The following PSMA8 variants were observed in gnomAD, a reference collection of about 807,000 sequenced individuals.
PSMA8 encodes proteasome 20S subunit alpha 8, also known as proteasome subunit alpha-type 8.
Under a neutral mutation model 32.4 loss-of-function variants are expected in PSMA8, and 18 were observed. The ratio of observed to expected loss-of-function variants is 0.56; its 90% CI spans 0.38 to 0.82. The LOEUF (loss-of-function observed/expected upper bound fraction) is 0.82. PSMA8 is among the 40% of genes least tolerant of loss of function. The pLI is 0.00. For missense variants in PSMA8, 298 were observed against 300.7 expected (o/e 0.99, Z 0.07); for synonymous variants, 104 against 98.1 (o/e 1.06, Z -0.36).
chr18:26,181,407 A>C (rs2055310125), intron 6 of PSMA8, among the ~76,000 whole-genome samples: 1 of 152,128 alleles, frequency 6.6e-6, no homozygotes, highest in Non-Finnish European at 1.5e-5. Context: ...CAGGCCTCCT[A>C]TTGCCTGAGG....
chr18:26,192,563 C>T lies in PSMA8; in HGVS notation c.*152C>T. The T allele has an allele frequency of 1.2e-6, 1 of 812,880 alleles. No homozygotes were observed. Among genetic ancestry groups the T allele is most frequent in the Non-Finnish European group, 1.7e-6 (1 of 585,370 alleles). The allele number at this position is 812,880 out of a possible 1,614,324, so 50.4% of individuals were successfully genotyped here. ...AGAATGCCAGATCTGTGGCTGTCTT[C>T]ATTCTATTACATAGTCAAACATAGG... On this transcript the variant is annotated 3_prime_UTR_variant, in exon 7 of 7. Coordinates refer to ENST00000415576, the MANE Select transcript of PSMA8 (RefSeq NM_001025096.2).
Position 26,151,885 on chromosome 18 carries a change from T to TA in PSMA8, c.260dup (p.Asn87LysfsTer11). 6.2e-7 allele frequency: 1 copy of TA among 1,610,448 alleles called. No homozygotes were observed. The highest frequency in any genetic ancestry group is 8.5e-7 in the Non-Finnish European group (1 of 1,178,454). ...CTTACTGCTGATGCTAGAGTAGTAA[T>TA]AAACAGAGCCCGTGTGGAGTGCCAG... On this transcript the variant is annotated frameshift_variant, in exon 3 of 7. Transcript: ENST00000415576. LOFTEE classifies it high-confidence loss of function.
intron 4 of PSMA8, among the ~76,000 whole-genome samples, chr18:26,172,219 G>C (rs550936136): frequency 2.0e-5 from 3 of 152,240 alleles, no homozygotes; most frequent in African/African-American, 7.2e-5. Context: ...ACAAACAAAA[G>C]CACTTTGGAG....
intron 1 of PSMA8, among the ~76,000 whole-genome samples, chr18:26,134,566 C>A (rs569747461): frequency 2.0e-5 from 3 of 152,108 alleles, no homozygotes; most frequent in Non-Finnish European, 4.4e-5. Context: ...AAGTTGGCCA[C>A]ACCTGCTCCC....
intron 4 of PSMA8, among the ~76,000 whole-genome samples, chr18:26,171,824 G>T (rs2055224386): frequency 1.3e-5 from 2 of 152,146 alleles, no homozygotes; most frequent in South Asian, 4.1e-4. Context: ...TTAGCCTGTT[G>T]CTGTTTCATG....
At chr18:26,186,391 C>G (rs2055354830) in intron 6 of PSMA8, among the ~76,000 whole-genome samples, 1 of 151,658 alleles carries the variant, frequency 6.6e-6, no homozygotes, top group Non-Finnish European at 1.5e-5. Flanking sequence ...ATAGCCTTTC[C>G]ACATATGGTT....
intron 1 of PSMA8, among the ~76,000 whole-genome samples, chr18:26,135,032 C>CT (rs931916139): frequency 7.9e-5 from 12 of 151,974 alleles, no homozygotes; most frequent in Non-Finnish European, 1.3e-4. Context: ...AGAACTTCCA[C>CT]TTTTTTGGCC....
intron 4 of PSMA8, among the ~76,000 whole-genome samples, chr18:26,163,811 C>A (rs2055157649): frequency 1.3e-5 from 2 of 152,152 alleles, no homozygotes; most frequent in Admixed American, 1.3e-4. Flanking sequence ...GTCTCTCTAG[C>A]TGCTATATTG....
chr18:26,164,925 T>A (rs2055165774), intron 4 of PSMA8, among the ~76,000 whole-genome samples: 1 of 152,082 alleles, frequency 6.6e-6, no homozygotes, highest in Non-Finnish European at 1.5e-5. Context: ...TTTTGTTTTG[T>A]TTTGTTTTTT....
chr18:26,144,142 A>G (rs1275022755), intron 1 of PSMA8, among the ~76,000 whole-genome samples: 1 of 152,198 alleles, frequency 6.6e-6, no homozygotes, highest in Non-Finnish European at 1.5e-5. Flanking sequence ...TTGTGACCAG[A>G]AATATTTCAT....
At chr18:26,167,470 T>C (rs1429949379) in intron 4 of PSMA8, among the ~76,000 whole-genome samples, 1 of 152,176 alleles carries the variant, frequency 6.6e-6, no homozygotes, top group East Asian at 1.9e-4. Context: ...TAAAAACATG[T>C]TTATATTAAC....
At chr18:26,162,743 G>A (rs2055145813) in intron 4 of PSMA8, among the ~76,000 whole-genome samples, 1 of 152,072 alleles carries the variant, frequency 6.6e-6, no homozygotes, top group Admixed American at 6.6e-5. Flanking sequence ...GCAGGCACCT[G>A]TAGTCCCAGC....
At chr18:26,158,469 T>A (rs1177857512) in intron 4 of PSMA8, among the ~76,000 whole-genome samples, 1 of 152,218 alleles carries the variant, frequency 6.6e-6, no homozygotes, top group Non-Finnish European at 1.5e-5. Flanking sequence ...AAGTAAGTGT[T>A]TATAAATGGC....
intron 2 of PSMA8, among the ~76,000 whole-genome samples, 172 bp downstream of exon 2, chr18:26,144,857 A>C (rs2054990001): frequency 6.6e-6 from 1 of 152,200 alleles, no homozygotes; most frequent in South Asian, 2.1e-4. Flanking sequence ...ATTTTTGATA[A>C]AGTACAAATG....
rs1042125281 is a variant in PSMA8, at chr18:26,144,666, T to C, written c.210T>C (p.His70=). 1.3e-5 allele frequency: 21 copies of C among 1,613,792 alleles called. No homozygotes were observed. The East Asian group carries it at 1.8e-4, about 14-fold the overall frequency. The change falls in exon 2 of 7, where the codon CAT becomes CAC. Residue 70 remains histidine (H), a synonymous_variant. Transcript: ENST00000415576. ...GGAAAATTTGTGCCCTTGATGACCA[T>C]GTCTGCATGGCTTTTGCAGGTACTT... ...TVRKICALDD[H]VCMAFAGLTA...
intron 1 of PSMA8, chr18:26,140,152 A>C: frequency 1.4e-6 from 1 of 702,922 alleles, no homozygotes; most frequent in Non-Finnish European, 2.6e-6. Context: ...AAAGTTCTTC[A>C]CCAGTTAGCC....
In PSMA8 at chr18:26,178,946, A is replaced by G. The variant is rs776138092; in HGVS notation, c.594A>G (p.Leu198=). The change falls in exon 5 of 7, where the codon CTA becomes CTG. Residue 198 remains leucine (L), a synonymous_variant. Transcript: ENST00000415576. The part of the protein sequence containing the change: ...EAIKLAIKAL[L]EVVQSGGKNI... ...TCAAGTTAGCAATAAAAGCTTTGCT[A>G]GAAGTAAGTGATCTAATAAAGCATA... The G allele has an allele frequency of 6.2e-7, 1 of 1,612,658 alleles. No individual in the cohort carries two copies. The highest frequency in any genetic ancestry group is 8.5e-7 in the Non-Finnish European group (1 of 1,179,602).
intron 3 of PSMA8, among the ~76,000 whole-genome samples, chr18:26,156,665 T>TAA (rs954572584): frequency 2.0e-5 from 3 of 148,118 alleles, no homozygotes; most frequent in African/African-American, 7.4e-5. Context: ...TTTATATATA[T>TAA]AATAATGTGT....
intron 4 of PSMA8, among the ~76,000 whole-genome samples, chr18:26,166,696 A>G (rs114987567): frequency 8.2e-4 from 125 of 152,314 alleles, no homozygotes; most frequent in African/African-American, 3.0e-3. Flanking sequence ...ACTTGACAAA[A>G]CAATAAATAA....
Sources: allele counts gnomAD v4.1 joint callset (sites outside exome capture counted in the v4.1 genomes callset), GRCh38; gene constraint gnomAD v4.1.1; transcripts MANE v1.5; gene names NCBI Gene and HGNC (gene_info 2026-07-23, HGNC 2026-07-21).